RNF217: variants seen among roughly 807,000 people sequenced by gnomAD.
RNF217 encodes the protein E3 ubiquitin-protein ligase RNF217.
A neutral mutation model predicts 57.8 loss-of-function variants in RNF217; 31 were observed. The ratio of observed to expected loss-of-function variants is 0.54; its 90% confidence interval spans 0.40 to 0.72. The LOEUF is 0.72. RNF217 is among the 30% of genes least tolerant of loss of function. RNF217 has a pLI of 0.00. For synonymous variants in RNF217, 313 were observed against 294.0 expected (o/e 1.06, Z -0.66); for missense variants, 696 against 708.3 (o/e 0.98, Z 0.20).
intron 1 of RNF217, among the ~76,000 whole-genome samples, chr6:125,032,435 A>G (rs992991502): frequency 3.3e-5 from 5 of 152,056 alleles, no homozygotes; most frequent in Non-Finnish European, 7.4e-5. Flanking sequence ...AATATCTACC[A>G]TAGTTAGGAA....
intron 1 of RNF217, among the ~76,000 whole-genome samples, chr6:124,993,893 T>C (rs1296083800): frequency 6.6e-6 from 1 of 152,158 alleles, no homozygotes; most frequent in Non-Finnish European, 1.5e-5. Flanking sequence ...CAGGAGATCC[T>C]CTGGAGAGGT....
In RNF217 at chr6:124,987,414, C is replaced by T. The variant is rs151069305; in HGVS notation, c.882+23988C>T. ...GGCCTCCTATCCCCATCCTAAGAAA[C>T]CATGAATCTAGTTTCTGTTTCTATA... On this transcript the variant is annotated intron_variant, in intron 1 of 5. Transcript: ENST00000521654. Among the ~76,000 whole-genome samples the T allele has an allele frequency of 2.1e-3, 322 of 152,190 alleles. 2 individuals carry two copies. The highest frequency in any genetic ancestry group is 7.3e-3 in the African/African-American group (304 of 41,524).
chr6:124,977,744 G>A (rs1784020135), intron 1 of RNF217, among the ~76,000 whole-genome samples: 1 of 152,158 alleles, frequency 6.6e-6, no homozygotes, highest in Non-Finnish European at 1.5e-5. Flanking sequence ...ATCATAAAGT[G>A]TCTGCTTCTG....
At chr6:124,990,284 C>G (rs1238510403) in intron 1 of RNF217, among the ~76,000 whole-genome samples, 1 of 152,108 alleles carries the variant, frequency 6.6e-6, no homozygotes, top group Non-Finnish European at 1.5e-5. Context: ...TGTATGCTCA[C>G]TACTCTTATT....
chr6:124,988,179 A>T (rs901337010), intron 1 of RNF217, among the ~76,000 whole-genome samples: 3 of 152,102 alleles, frequency 2.0e-5, no homozygotes, highest in Non-Finnish European at 4.4e-5. Context: ...ATGCCTGATG[A>T]TCTGAAATGG....
intron 1 of RNF217, among the ~76,000 whole-genome samples, chr6:124,984,640 T>C (rs1784309271): frequency 6.6e-6 from 1 of 151,970 alleles, no homozygotes; most frequent in Non-Finnish European, 1.5e-5. Context: ...TATAAAAAAT[T>C]AGGTTTTTTT....
At chr6:124,963,955 A>G (rs1783420681) in intron 1 of RNF217, among the ~76,000 whole-genome samples, 1 of 152,228 alleles carries the variant, frequency 6.6e-6, no homozygotes, top group Non-Finnish European at 1.5e-5. Context: ...TCCTTTTTCC[A>G]CAGTAAAGTT....
At chr6:125,051,783 C>T (rs1787327250) in intron 2 of RNF217, among the ~76,000 whole-genome samples, 1 of 151,992 alleles carries the variant, frequency 6.6e-6, no homozygotes, top group African/African-American at 2.4e-5. Flanking sequence ...AGCTGTTATC[C>T]TGATTCTGTT....
intron 1 of RNF217, among the ~76,000 whole-genome samples, chr6:124,998,791 CTG>C (rs757668060): frequency 2.2e-4 from 34 of 152,264 alleles, no homozygotes; most frequent in Non-Finnish European, 4.3e-4. Context: ...GAGCGAGACT[CTG>C]TCTCAAAAAA....
chr6:124,979,556 G>A (rs1784082861), intron 1 of RNF217, among the ~76,000 whole-genome samples: 1 of 152,328 alleles, frequency 6.6e-6, no homozygotes, highest in African/African-American at 2.4e-5. Context: ...AAAGCCTGGG[G>A]TGGGCATAGG....
chr6:125,090,772 C>T lies in RNF217; in HGVS notation c.*7835C>T, dbSNP rs1196656488. On this transcript the variant is annotated 3_prime_UTR_variant, in exon 6 of 6. Transcript: ENST00000521654. ...AATATTTTTCAAGTTTAAAATGGAC[C>T]GGGTTGAAAAGAGATTTCATTGATT... 2 of 151,578 alleles carry T rather than the reference C, an allele frequency of 1.3e-5. No individual in the cohort carries two copies. Among genetic ancestry groups the T allele is most frequent in the Non-Finnish European group, 3.0e-5 (2 of 67,794 alleles). 9.4% of individuals were successfully genotyped at this position (151,578 alleles called of 1,614,324 possible). A position where few individuals can be genotyped will look rare whatever the true frequency, so the allele number is the denominator to read the frequency against.
chr6:125,009,061 GA>G, intron 1 of RNF217: 1 of 463,814 alleles, frequency 2.2e-6, no homozygotes, highest in Admixed American at 3.8e-5. Context: ...CTGGTTCATA[GA>G]GAACAAGGAA....
chr6:124,972,431 A>G (rs911162199), intron 1 of RNF217, among the ~76,000 whole-genome samples: 1 of 152,020 alleles, frequency 6.6e-6, no homozygotes, highest in Non-Finnish European at 1.5e-5. Flanking sequence ...TTCTTTATAA[A>G]ATGCTGGACC....
At chr6:125,034,400 A>G (rs1420045755) in intron 1 of RNF217, among the ~76,000 whole-genome samples, 1 of 152,180 alleles carries the variant, frequency 6.6e-6, no homozygotes, top group East Asian at 1.9e-4. Context: ...ATCCAGTTTC[A>G]GCTTTCTCCA....
intron 3 of RNF217, among the ~76,000 whole-genome samples, chr6:125,059,718 C>T (rs977523713): frequency 2.0e-5 from 3 of 152,118 alleles, no homozygotes; most frequent in African/African-American, 7.2e-5. Context: ...GAAAAAGAAG[C>T]CGACCATGGG....
chr6:125,011,866 A>G (rs1288203532), intron 1 of RNF217, among the ~76,000 whole-genome samples: 1 of 151,852 alleles, frequency 6.6e-6, no homozygotes, highest in African/African-American at 2.4e-5. Context: ...CGGTGAGATA[A>G]TAACTGCCAG....
intron 1 of RNF217, among the ~76,000 whole-genome samples, chr6:125,015,668 AT>A (rs1785574651): frequency 6.6e-6 from 1 of 152,090 alleles, no homozygotes; most frequent in South Asian, 2.1e-4. Flanking sequence ...CATCCAGTAT[AT>A]TTTCTCTATT....
intron 1 of RNF217, among the ~76,000 whole-genome samples, chr6:124,968,576 C>T (rs1783640062): frequency 6.6e-6 from 1 of 152,138 alleles, no homozygotes. Flanking sequence ...AGGCATGCTG[C>T]ATGGGTATTT....
chr6:125,062,330 G>C (rs1029906358), intron 3 of RNF217, among the ~76,000 whole-genome samples: 1 of 152,008 alleles, frequency 6.6e-6, no homozygotes. Flanking sequence ...GATTTGACTT[G>C]TGCTTAGAAA....
Sources: allele counts gnomAD v4.1 joint callset (sites outside exome capture counted in the v4.1 genomes callset), GRCh38; gene constraint gnomAD v4.1.1; transcripts MANE v1.5; gene names NCBI Gene and HGNC (gene_info 2026-07-23, HGNC 2026-07-21).